The following RHOBTB1 variants were observed in gnomAD, a reference collection of about 807,000 sequenced individuals.
RHOBTB1 encodes rho-related BTB domain-containing protein 1.
RHOBTB1 carries 40 observed loss-of-function variants against 71.6 expected under a neutral mutation model. The observed-to-expected ratio is 0.56, with a 90% CI of 0.43 to 0.73. The LOEUF is 0.73. Among genes scored for constraint, RHOBTB1 ranks in the 30% least tolerant of loss-of-function variants. RHOBTB1 has a pLI of 0.00. For missense variants in RHOBTB1, 797 were observed against 894.0 expected (o/e 0.89, Z 1.38); for synonymous variants, 319 against 334.9 (o/e 0.95, Z 0.52).
At chr10:60,956,159 C>A (rs1285140815) in intron 2 of RHOBTB1, among the ~76,000 whole-genome samples, 1 of 152,138 alleles carries the variant, frequency 6.6e-6, no homozygotes, top group Non-Finnish European at 1.5e-5. Context: ...AGGCTGCAAA[C>A]CTGTACAGCA....
At chr10:60,896,697 T>C (rs1564851956) in intron 4 of RHOBTB1, among the ~76,000 whole-genome samples, 1 of 152,232 alleles carries the variant, frequency 6.6e-6, no homozygotes, top group Non-Finnish European at 1.5e-5. Flanking sequence ...GGAATGTTTA[T>C]ATCTTAGGGA....
Position 60,888,551 on chromosome 10 carries a change from C to T in RHOBTB1, c.1117G>A (p.Gly373Arg), listed in dbSNP as rs200381691. The T allele has an allele frequency of 7.4e-6, 12 of 1,614,178 alleles. No individual in the cohort carries two copies. The Admixed American group carries it at 1.3e-4, about 18-fold the overall frequency. ...ATGCCAATGAACCCCTTACTCCATC[C>T]GGTCAAAGTCTGTGTCTCAGGAACT... ...GAVPETQTLTGWSKGFIGMHR... is the reference protein window; with the variant it reads ...GAVPETQTLTRWSKGFIGMHR... Residue 373 changes from glycine (G) to arginine (R), a missense_variant, in exon 6 of 11, where the codon GGA becomes AGA. This residue lies in a region of RHOBTB1 where 658 missense variants were observed against 681.5 expected (regional missense o/e 0.97). Coordinates refer to ENST00000337910, the MANE Select transcript of RHOBTB1 (RefSeq NM_014836.5).
chr10:60,915,674 C>T (rs1211329098), intron 2 of RHOBTB1, among the ~76,000 whole-genome samples: 1 of 152,128 alleles, frequency 6.6e-6, no homozygotes, highest in Non-Finnish European at 1.5e-5. Flanking sequence ...TGGTTCTGGT[C>T]CCCACCACTC....
At position 60,888,585 on chromosome 10, in the gene RHOBTB1, G is replaced by A. The variant is rs766201965; in HGVS notation, c.1083C>T (p.Ala361=). 10 of 1,614,076 alleles carry A rather than the reference G, an allele frequency of 6.2e-6. No homozygotes were observed. Among genetic ancestry groups the A allele is most frequent in the Middle Eastern group, 1.7e-4 (1 of 6,060 alleles). ...KSLVEALGLE[A]EGAVPETQTL... ...TCTGTGTCTCAGGAACTGCACCCTC[G>A]GCTTCCAGCCCCAGAGCCTCCACCA... Residue 361 remains alanine (A), a synonymous_variant, in exon 6 of 11, where the codon GCC becomes GCT. Transcript: ENST00000337910.
chr10:60,999,529 C>A (rs1158557439), intron 1 of RHOBTB1, among the ~76,000 whole-genome samples: 3 of 152,158 alleles, frequency 2.0e-5, no homozygotes, highest in Admixed American at 6.5e-5. Flanking sequence ...GGGAACAAAC[C>A]AATTATCTGC....
intron 2 of RHOBTB1, among the ~76,000 whole-genome samples, chr10:60,958,154 G>A (rs1051246589): frequency 6.6e-6 from 1 of 152,052 alleles, no homozygotes; most frequent in Non-Finnish European, 1.5e-5. Flanking sequence ...CACCTCTAAA[G>A]GAAAGAAATC....
chr10:60,949,651 T>C (rs957216762), intron 2 of RHOBTB1, among the ~76,000 whole-genome samples: 1 of 148,796 alleles, frequency 6.7e-6, no homozygotes, highest in Non-Finnish European at 1.5e-5. Flanking sequence ...ATTGATGTGG[T>C]TTCCAGGTGA....
rs1163587669 is a variant in RHOBTB1, at chr10:60,871,464, T to C, written c.*18A>G. On this transcript the variant is annotated 3_prime_UTR_variant, in exon 11 of 11. Transcript: ENST00000337910. ...ATTACCGATTGGTTTCTGTTTTTTG[T>C]TTTTTTTCTCTTCCTCTTCAGGCCA... is the stretch of plus-strand genomic sequence containing the variant. The C allele has an allele frequency of 1.9e-6, 3 of 1,606,392 alleles. No homozygotes were observed. The highest frequency in any genetic ancestry group is 2.2e-5 in the East Asian group (1 of 44,774).
chr10:60,922,564 G>C (rs2083629107), intron 2 of RHOBTB1, among the ~76,000 whole-genome samples: 1 of 152,180 alleles, frequency 6.6e-6, no homozygotes, highest in South Asian at 2.1e-4. Flanking sequence ...AAAAGAATTG[G>C]CCCAGGAAGT....
At chr10:60,892,731 A>G in intron 5 of RHOBTB1, 79 bp downstream of exon 5, 1 of 1,267,292 alleles carries the variant, frequency 7.9e-7, no homozygotes, top group East Asian at 2.4e-5. Flanking sequence ...GAAGAGCAGA[A>G]CACCAGGCTA....
intron 1 of RHOBTB1, among the ~76,000 whole-genome samples, chr10:60,986,240 A>C (rs1472067202): frequency 6.6e-6 from 1 of 151,984 alleles, no homozygotes; most frequent in Non-Finnish European, 1.5e-5. Context: ...TTCCAGGTGG[A>C]AGTAATAATA....
intron 7 of RHOBTB1, among the ~76,000 whole-genome samples, chr10:60,883,210 G>A (rs2081406996): frequency 6.6e-6 from 1 of 152,164 alleles, no homozygotes; most frequent in Admixed American, 6.5e-5. Context: ...TTTTGAGCTG[G>A]TCTGAATGTA....
intron 4 of RHOBTB1, among the ~76,000 whole-genome samples, chr10:60,908,266 C>A: frequency 6.6e-6 from 1 of 152,278 alleles, no homozygotes; most frequent in Non-Finnish European, 1.5e-5. Flanking sequence ...CAGAGGAAAC[C>A]GAAGGCAAGG....
At chr10:60,961,050 CCT>C (rs1307965268) in intron 2 of RHOBTB1, among the ~76,000 whole-genome samples, 1 of 152,046 alleles carries the variant, frequency 6.6e-6, no homozygotes, top group East Asian at 1.9e-4. Context: ...TTACCCAGCC[CCT>C]CTTTTTCTTC....
At chr10:60,987,924 T>G (rs2086722547) in intron 1 of RHOBTB1, among the ~76,000 whole-genome samples, 5 of 40,188 alleles carry the variant, frequency 1.2e-4, no homozygotes, top group African/African-American at 6.0e-4. Context: ...CTCAACTTTT[T>G]TTTTTTTTTT....
At chr10:60,924,293 G>C (rs907331331) in intron 2 of RHOBTB1, among the ~76,000 whole-genome samples, 3 of 151,856 alleles carry the variant, frequency 2.0e-5, no homozygotes, top group Admixed American at 2.0e-4. Flanking sequence ...ACATGTAACA[G>C]AGACTTAAGG....
the RHOBTB1 span, among the ~76,000 whole-genome samples, chr10:60,863,757 T>G: frequency 6.6e-6 from 1 of 152,290 alleles, no homozygotes; most frequent in Middle Eastern, 3.4e-3. Flanking sequence ...GGTCTTGAAC[T>G]CCTGACCTCA....
Position 60,871,471 on chromosome 10 carries a change from T to TC in RHOBTB1, c.*10dup. On this transcript the variant is annotated 3_prime_UTR_variant, in exon 11 of 11. Transcript: ENST00000337910. ...ATTGGTTTCTGTTTTTTGTTTTTTT[T>TC]CTCTTCCTCTTCAGGCCACTGCTGG... 1.9e-6 allele frequency: 3 copies of TC among 1,609,280 alleles called. No individual in the cohort carries two copies. Among genetic ancestry groups the TC allele is most frequent in the African/African-American group, 1.3e-5 (1 of 74,618 alleles).
chr10:60,876,778 G>C (rs1589151673), intron 8 of RHOBTB1, among the ~76,000 whole-genome samples: 1 of 152,200 alleles, frequency 6.6e-6, no homozygotes, highest in South Asian at 2.1e-4. Flanking sequence ...GAGGAAGTAG[G>C]ACAAAGAGAG....
Sources: allele counts gnomAD v4.1 joint callset (sites outside exome capture counted in the v4.1 genomes callset), GRCh38; gene constraint gnomAD v4.1.1; regional missense constraint gnomAD v4.1.1; transcripts MANE v1.5; gene names NCBI Gene and HGNC (gene_info 2026-07-23, HGNC 2026-07-21).